TGFA: variants seen among roughly 807,000 people sequenced by gnomAD.
TGFA encodes transforming growth factor alpha.
TGFA carries 12 observed loss-of-function variants against 21.7 expected under a neutral mutation model. That is an observed-to-expected ratio of 0.55 (90% CI 0.35 to 0.90). The LOEUF (loss-of-function observed/expected upper bound fraction) is 0.90, where lower values mean the gene tolerates loss of function less well. Ranked by LOEUF, TGFA falls within the 40% of genes least tolerant of loss-of-function variation. The pLI, the probability that TGFA is intolerant of heterozygous loss-of-function variation, is 0.01. For missense variants in TGFA, 178 were observed against 210.8 expected (o/e 0.84, Z 0.96); for synonymous variants, 79 against 88.1 (o/e 0.90, Z 0.58).
At chr2:70,534,317 A>G (rs1553504097) in intron 1 of TGFA, among the ~76,000 whole-genome samples, 1 of 152,270 alleles carries the variant, frequency 6.6e-6, no homozygotes, top group Non-Finnish European at 1.5e-5. Context: ...TGGACTGTGA[A>G]GAACTAAAAG....
rs578081517 is a variant in TGFA at position 70,453,291 on chromosome 2, C to T, written c.402G>A (p.Arg134=). The T allele has an allele frequency of 2.5e-6, 4 of 1,613,998 alleles. No homozygotes were observed. The African/African-American group carries it at 5.3e-5, about 22-fold the overall frequency. The stretch of plus-strand genomic sequence containing the variant: ...GCTTCTCGTGCCGGCAGATGAGGGC[C>T]CGGCACCACTCACAGTGTTTTCGGA... The part of the protein sequence containing the change: ...CQVRKHCEWC[R]ALICRHEKPS... Residue 134 remains arginine, a synonymous_variant, in exon 5 of 6, where the codon CGG becomes CGA. Coordinates refer to ENST00000295400, the MANE Select transcript of TGFA (RefSeq NM_003236.4).
intron 1 of TGFA, among the ~76,000 whole-genome samples, chr2:70,534,288 C>T (rs781956937): frequency 3.9e-5 from 6 of 152,180 alleles, no homozygotes; most frequent in South Asian, 2.1e-4. Context: ...ACTGTGCTCT[C>T]GCAGGTTCTA....
intron 4 of TGFA, among the ~76,000 whole-genome samples, chr2:70,455,903 C>T (rs1574066624): frequency 6.6e-6 from 1 of 152,328 alleles, no homozygotes; most frequent in East Asian, 1.9e-4. Context: ...GAATGATGGT[C>T]ATCAGCCTGT....
chr2:70,510,506 C>A (rs956687592), intron 2 of TGFA, among the ~76,000 whole-genome samples: 1 of 152,086 alleles, frequency 6.6e-6, no homozygotes, highest in Non-Finnish European at 1.5e-5. Context: ...GATGAGGAAA[C>A]AAATCCAAAC....
At chr2:70,549,609 T>C (rs1673423714) in intron 1 of TGFA, among the ~76,000 whole-genome samples, 1 of 152,226 alleles carries the variant, frequency 6.6e-6, no homozygotes, top group African/African-American at 2.4e-5. Context: ...CCTAATTCAG[T>C]GTGTACAAGC....
intron 3 of TGFA, among the ~76,000 whole-genome samples, chr2:70,460,036 T>C (rs1670364533): frequency 2.6e-5 from 4 of 152,166 alleles, no homozygotes; most frequent in African/African-American, 4.8e-5. Context: ...TCTCTGCAAA[T>C]GGGGCCTGGG....
rs1553507231 is a variant in TGFA at position 70,553,776 on chromosome 2, C to T, written c.-9G>A. ...CCAGCCGAGGGGACCATTTTACGGG[C>T]GGGCGGGCAGCAGGCTCTCCAGCCT... is the stretch of plus-strand genomic sequence containing the variant. On this transcript the variant is annotated 5_prime_UTR_variant, in exon 1 of 6. Coordinates refer to ENST00000295400, the MANE Select transcript of TGFA (RefSeq NM_003236.4). 1.0e-5 allele frequency: 13 copies of T among 1,277,920 alleles called. 1 individual carries two copies. In the East Asian group the frequency reaches 2.7e-4, roughly 27 times the overall value. The allele number at this position is 1,277,920 out of a possible 1,614,324, so 79.2% of individuals were successfully genotyped here.
intron 2 of TGFA, among the ~76,000 whole-genome samples, chr2:70,507,837 T>C (rs782399617): frequency 2.6e-5 from 4 of 152,200 alleles, no homozygotes; most frequent in Non-Finnish European, 4.4e-5. Context: ...CCTAACCCCA[T>C]ACTCTCCATT....
At chr2:70,465,807 A>AC (rs1192022457) in intron 2 of TGFA, 71 bp from the exon 3 acceptor site, 6 of 1,586,932 alleles carry the variant, frequency 3.8e-6, no homozygotes, top group African/African-American at 1.3e-5. Context: ...CTCCCACCCT[A>AC]CCAGTCAAGA....
At chr2:70,471,162 C>T (rs373467103) in intron 2 of TGFA, among the ~76,000 whole-genome samples, 4 of 144,730 alleles carry the variant, frequency 2.8e-5, no homozygotes, top group East Asian at 2.2e-4. Context: ...AATTCAAGTT[C>T]GAGGTTCTTT....
At chr2:70,497,078 C>T (rs1671599244) in intron 2 of TGFA, among the ~76,000 whole-genome samples, 1 of 152,050 alleles carries the variant, frequency 6.6e-6, no homozygotes. Context: ...AAGTGCAAAG[C>T]CTAGAAGTTA....
intron 2 of TGFA, among the ~76,000 whole-genome samples, chr2:70,509,329 C>A (rs1189081256): frequency 6.6e-6 from 1 of 152,194 alleles, no homozygotes; most frequent in Non-Finnish European, 1.5e-5. Flanking sequence ...GGCTGACACA[C>A]GTTCTACCTG....
chr2:70,522,992 GGT>G (rs1312038577), intron 1 of TGFA, among the ~76,000 whole-genome samples: 1 of 152,110 alleles, frequency 6.6e-6, no homozygotes, highest in East Asian at 1.9e-4. Flanking sequence ...TGTTCAGTTG[GGT>G]GGTAAGTTAA....
intron 3 of TGFA, among the ~76,000 whole-genome samples, 177 bp downstream of exon 3, chr2:70,465,439 T>C (rs998336444): frequency 4.6e-5 from 7 of 152,134 alleles, no homozygotes; most frequent in African/African-American, 1.4e-4. Flanking sequence ...GGAACCTGGA[T>C]TTTTAGACAT....
At chr2:70,529,857 T>C (rs1414362681) in intron 1 of TGFA, among the ~76,000 whole-genome samples, 1 of 152,074 alleles carries the variant, frequency 6.6e-6, no homozygotes, top group African/African-American at 2.4e-5. Flanking sequence ...TGGGGTGAGA[T>C]CACTGCAGAA....
chr2:70,521,133 C>A (rs184647559), intron 1 of TGFA, among the ~76,000 whole-genome samples: 18 of 152,266 alleles, frequency 1.2e-4, no homozygotes, highest in African/African-American at 4.1e-4. Flanking sequence ...ACTAGACTGA[C>A]CTTGCTGAAT....
chr2:70,545,557 C>A (rs181773017), intron 1 of TGFA, among the ~76,000 whole-genome samples: 73 of 151,928 alleles, frequency 4.8e-4, no homozygotes, highest in Non-Finnish European at 9.0e-4. Context: ...TTAACTGTTT[C>A]AAAAAATGAA....
At chr2:70,503,480 G>A (rs1307092288) in intron 2 of TGFA, among the ~76,000 whole-genome samples, 1 of 150,550 alleles carries the variant, frequency 6.6e-6, no homozygotes, top group Non-Finnish European at 1.5e-5. Context: ...TGTAAATGAC[G>A]AGTTAATGGG....
intron 2 of TGFA, among the ~76,000 whole-genome samples, chr2:70,513,873 C>A (rs1347681694): frequency 2.6e-5 from 4 of 152,132 alleles, no homozygotes; most frequent in Admixed American, 6.5e-5. Context: ...TCTGTGCTAA[C>A]CAGGGAGTTG....
Sources: gnomAD v4.1 joint callset for allele counts (sites outside exome capture counted in the v4.1 genomes callset) on GRCh38, gnomAD v4.1.1 for gene constraint, MANE v1.5 for transcripts, NCBI Gene and HGNC (gene_info 2026-07-23, HGNC 2026-07-21) for gene names.